Variants in GRIK2 observed in about 807,000 individuals in gnomAD.
The protein encoded by GRIK2 is glutamate ionotropic receptor kainate type subunit 2, also known as glutamate receptor ionotropic, kainate 2.
GRIK2 carries 32 observed loss-of-function variants against 100.3 expected under a neutral mutation model. The ratio of observed to expected loss-of-function variants is 0.32; its 90% CI spans 0.24 to 0.43. GRIK2 has a LOEUF of 0.43. Among genes scored for constraint, GRIK2 ranks in the 20% least tolerant of loss-of-function variants. The pLI is 1.00. For missense variants in GRIK2, 843 were observed against 1,114.9 expected, an observed-to-expected ratio of 0.76 and a Z score of 3.47; for synonymous variants, 417 against 389.4, an observed-to-expected ratio of 1.07 and a Z score of -0.83.
intron 10 of GRIK2, among the ~76,000 whole-genome samples, chr6:101,854,114 G>A (rs1187125668): frequency 6.6e-6 from 1 of 152,116 alleles, no homozygotes; most frequent in Non-Finnish European, 1.5e-5. Flanking sequence ...GTGAATGTTC[G>A]TCTGTTGTGA....
intron 7 of GRIK2, among the ~76,000 whole-genome samples, chr6:101,749,177 C>T (rs905188741): frequency 1.3e-5 from 2 of 152,050 alleles, no homozygotes; most frequent in African/African-American, 4.8e-5. Context: ...GGTGCGATCT[C>T]GGCTCACTGC....
Position 101,699,307 on chromosome 6 carries a change from C to T in GRIK2, c.951+12954C>T, listed in dbSNP as rs180853276. 9.3e-4 allele frequency among the ~76,000 whole-genome samples: 142 copies of T among 152,234 alleles called. 1 individual carries two copies. The Middle Eastern group carries it at 0.014, about 15-fold the overall frequency. ...TCACATCCTGTCTGGTCACTCATCACTAGTACTAGAGCTCAAATTTACTCT... is the reference window on the plus strand; with the variant it reads ...TCACATCCTGTCTGGTCACTCATCATTAGTACTAGAGCTCAAATTTACTCT... On this transcript the variant is annotated intron_variant, in intron 7 of 16. Transcript: ENST00000369134.
intron 4 of GRIK2, among the ~76,000 whole-genome samples, chr6:101,628,870 A>G (rs1475410086): frequency 6.6e-6 from 1 of 152,140 alleles, no homozygotes; most frequent in African/African-American, 2.4e-5. Context: ...AAAATTGACA[A>G]GTATTCAAAA....
intron 7 of GRIK2, among the ~76,000 whole-genome samples, chr6:101,730,830 G>A (rs952437569): frequency 1.3e-5 from 2 of 151,766 alleles, no homozygotes; most frequent in South Asian, 2.1e-4. Flanking sequence ...AAAAATGAGA[G>A]GATCAACCAT....
At chr6:101,555,411 G>A (rs945791861) in intron 2 of GRIK2, among the ~76,000 whole-genome samples, 5 of 152,072 alleles carry the variant, frequency 3.3e-5, no homozygotes, top group Non-Finnish European at 7.4e-5. Flanking sequence ...GAAAACATCT[G>A]GCTCAGTAGT....
At chr6:101,959,217 G>A (rs917001103) in intron 14 of GRIK2, among the ~76,000 whole-genome samples, 1 of 151,886 alleles carries the variant, frequency 6.6e-6, no homozygotes, top group Non-Finnish European at 1.5e-5. Flanking sequence ...GGTAACATTT[G>A]GCTGTACATC....
chr6:101,998,210 G>A (rs1029630570), intron 14 of GRIK2, among the ~76,000 whole-genome samples: 4 of 152,066 alleles, frequency 2.6e-5, no homozygotes, highest in African/African-American at 7.2e-5. Flanking sequence ...ATTGTATAGT[G>A]AGCCACAATT....
At chr6:101,988,098 T>C (rs915502236) in intron 14 of GRIK2, among the ~76,000 whole-genome samples, 6 of 13,580 alleles carry the variant, frequency 4.4e-4, no homozygotes, top group African/African-American at 2.2e-3. Context: ...ATAGTGTGTG[T>C]GTGTGTGTGT....
chr6:102,007,767 A>G (rs868239670), intron 14 of GRIK2, among the ~76,000 whole-genome samples: 1 of 151,970 alleles, frequency 6.6e-6, no homozygotes, highest in South Asian at 2.1e-4. Context: ...GGTTTAATTC[A>G]CTCTGGGCTG....
chr6:101,610,892 T>G (rs1203153440), intron 2 of GRIK2, among the ~76,000 whole-genome samples: 1 of 151,824 alleles, frequency 6.6e-6, no homozygotes, highest in Non-Finnish European at 1.5e-5. Flanking sequence ...TTATCTCAGT[T>G]TGATCAGTTC....
At chr6:101,771,326 T>A (rs1159735132) in intron 7 of GRIK2, among the ~76,000 whole-genome samples, 1 of 151,942 alleles carries the variant, frequency 6.6e-6, no homozygotes, top group Non-Finnish European at 1.5e-5. Context: ...TGATTTAAAT[T>A]TCTATTTGAA....
chr6:101,502,497 A>C (rs1773811886), intron 2 of GRIK2, among the ~76,000 whole-genome samples: 1 of 152,224 alleles, frequency 6.6e-6, no homozygotes, highest in Admixed American at 6.5e-5. Context: ...GAAAATAAAA[A>C]ATGAAAATAA....
At chr6:101,409,396 A>T (rs1029859166) in intron 2 of GRIK2, among the ~76,000 whole-genome samples, 44 of 152,074 alleles carry the variant, frequency 2.9e-4, no homozygotes, top group Admixed American at 2.6e-3. Context: ...TCACCTAACG[A>T]TGCATTTCTA....
chr6:101,532,658 G>A (rs1376401259), intron 2 of GRIK2, among the ~76,000 whole-genome samples: 1 of 151,106 alleles, frequency 6.6e-6, no homozygotes, highest in Non-Finnish European at 1.5e-5. Context: ...TTTAGTAAAT[G>A]TGGTAAAATA....
chr6:101,812,163 T>C (rs1334016645), intron 9 of GRIK2, among the ~76,000 whole-genome samples: 2 of 151,444 alleles, frequency 1.3e-5, no homozygotes, highest in African/African-American at 4.8e-5. Flanking sequence ...GAAGATAAAA[T>C]ATGGAAAACA....
At chr6:101,676,566 G>T (rs1484444175) in intron 4 of GRIK2, 57 bp from the exon 5 acceptor site, 5 of 973,754 alleles carry the variant, frequency 5.1e-6, no homozygotes, top group South Asian at 3.5e-5. Context: ...CTGATTCTTT[G>T]CCCTACTCTA....
At chr6:101,607,237 G>C (rs1005434375) in intron 2 of GRIK2, among the ~76,000 whole-genome samples, 10 of 151,958 alleles carry the variant, frequency 6.6e-5, no homozygotes, top group African/African-American at 2.4e-4. Flanking sequence ...TTCTTTTGCT[G>C]TTCCCCTGTG....
At chr6:102,041,238 C>A (rs1047094153) in intron 15 of GRIK2, among the ~76,000 whole-genome samples, 3 of 151,486 alleles carry the variant, frequency 2.0e-5, no homozygotes, top group African/African-American at 7.3e-5. Flanking sequence ...CCAAATGGTA[C>A]CCAAACAATG....
At chr6:101,674,849 A>C (rs1770710254) in intron 4 of GRIK2, among the ~76,000 whole-genome samples, 1 of 152,204 alleles carries the variant, frequency 6.6e-6, no homozygotes, top group East Asian at 1.9e-4. Flanking sequence ...TGTGTTTTTA[A>C]AACAAAATAT....
Sources: gnomAD v4.1 joint callset for allele counts (sites outside exome capture counted in the v4.1 genomes callset) on GRCh38, gnomAD v4.1.1 for gene constraint, MANE v1.5 for transcripts, NCBI Gene and HGNC (gene_info 2026-07-23, HGNC 2026-07-21) for gene names.